The following ACOT1 variants were observed in gnomAD, a reference collection of about 807,000 sequenced individuals.
The protein encoded by ACOT1 is acyl-coenzyme A thioesterase 1.
ACOT1 carries 8 observed loss-of-function variants against 15.7 expected under a neutral mutation model. The observed-to-expected ratio is 0.51, with a 90% CI of 0.30 to 0.92. ACOT1 has a LOEUF of 0.92. Among genes scored for constraint, ACOT1 ranks in the 40% least tolerant of loss-of-function variants. The pLI is 0.06. For synonymous variants in ACOT1, 67 were observed against 241.2 expected, an observed-to-expected ratio of 0.28 and a Z score of 6.69; for missense variants, 151 against 539.4, an observed-to-expected ratio of 0.28 and a Z score of 7.13.
rs1888894503 is a variant in ACOT1 at position 73,537,335 on chromosome 14, C to T, written c.-87C>T. 1 of 1,129,870 alleles carries T rather than the reference C, an allele frequency of 8.9e-7. No homozygotes were observed. The highest frequency in any genetic ancestry group is 1.5e-5 in the South Asian group (1 of 66,106). 70.0% of individuals were successfully genotyped at this position (1,129,870 alleles called of 1,614,324 possible). A position where few individuals can be genotyped will look rare whatever the true frequency, so the allele number is the denominator to read the frequency against. ...GCCCTAGTGGGCGTTTAGCCTGCGA[C>T]GGCAGCCCGAGAGGAAGAGTTGGGC... On this transcript the variant is annotated 5_prime_UTR_variant, in exon 1 of 3. It adds an upstream start codon to the 5' untranslated region. Transcript: ENST00000311148.
chr14:73,508,435 CTTATT>C, the ACOT1 span: 4 of 698,952 alleles, frequency 5.7e-6, no homozygotes, highest in African/African-American at 1.8e-5. Context: ...AATACAATTT[CTTATT>C]TAAACCATAT....
At chr14:73,523,158 G>C in the ACOT1 span, 17 of 1,569,680 alleles carry the variant, frequency 1.1e-5, no homozygotes, top group Admixed American at 1.1e-4. Context: ...GTCATACCGC[G>C]TCCCAGCAAA....
the ACOT1 span, chr14:73,491,108 G>A: frequency 6.2e-7 from 1 of 1,606,690 alleles, no homozygotes. Context: ...GTCGGTCCTG[G>A]CCCTGCCCTT....
At position 73,537,777 on chromosome 14, in the gene ACOT1, T is replaced by C; in HGVS notation, c.356T>C (p.Leu119Pro). 8.1e-7 allele frequency: 1 copy of C among 1,233,028 alleles called. No homozygotes were observed. The highest frequency in any genetic ancestry group is 1.1e-6 in the Non-Finnish European group (1 of 933,626). 76.4% of individuals were successfully genotyped at this position (1,233,028 alleles called of 1,614,324 possible). The change falls in exon 1 of 3, where the codon CTG becomes CCG. Residue 119 changes from leucine to proline, a missense_variant. Physicochemically the swap from Leu to Pro is moderately conservative, Grantham distance 98. Coordinates refer to ENST00000311148, the MANE Select transcript of ACOT1 (RefSeq NM_001037161.2). ...LDGHDPDPGR[L>P]LCRVRHERYF... ...GGCCACGACCCCGACCCCGGGCGGC[T>C]GCTGTGCCGGGTGCGGCACGAGCGC...
chr14:73,491,389 C>T, the ACOT1 span: 10 of 1,349,584 alleles, frequency 7.4e-6, no homozygotes, highest in South Asian at 2.0e-4. Flanking sequence ...GCCTGGTGCC[C>T]GCTTCCGCGC....
the ACOT1 span, among the ~76,000 whole-genome samples, chr14:73,496,143 A>G: frequency 1.3e-5 from 2 of 152,148 alleles, no homozygotes; most frequent in African/African-American, 4.8e-5. Context: ...CAAAAAAAAA[A>G]GCAAAAATTA....
At chr14:73,491,074 G>A in the ACOT1 span, 2 of 1,597,008 alleles carry the variant, frequency 1.3e-6, no homozygotes, top group East Asian at 2.3e-5. Flanking sequence ...CGAAGCGCCG[G>A]CGCAAGCCCC....
chr14:73,526,530 C>T, the ACOT1 span, among the ~76,000 whole-genome samples: 1 of 151,842 alleles, frequency 6.6e-6, no homozygotes, highest in Non-Finnish European at 1.5e-5. Flanking sequence ...GAGACTCCTA[C>T]TTGGGGAAAG....
the ACOT1 span, chr14:73,522,496 C>T: frequency 1.9e-5 from 30 of 1,614,100 alleles, 1 homozygote; most frequent in South Asian, 3.2e-4. Context: ...GACGCTTGCT[C>T]TGGATCCATC....
chr14:73,495,807 T>G, the ACOT1 span, among the ~76,000 whole-genome samples: 1 of 152,058 alleles, frequency 6.6e-6, no homozygotes, highest in Non-Finnish European at 1.5e-5. Flanking sequence ...CTCTATTCCT[T>G]CATCTTATCT....
chr14:73,531,600 G>T, the ACOT1 span, among the ~76,000 whole-genome samples: 1 of 108,370 alleles, frequency 9.2e-6, no homozygotes, highest in African/African-American at 3.0e-5. Flanking sequence ...GTAGAGATGG[G>T]GTTTCACCAT....
At chr14:73,537,960 G>A in intron 1 of ACOT1, 82 bp downstream of exon 1, 4 of 1,016,550 alleles carry the variant, frequency 3.9e-6, no homozygotes, top group Non-Finnish European at 5.0e-6. Flanking sequence ...TGTCCCCTTC[G>A]CCCCGCCCCG....
the ACOT1 span, chr14:73,522,668 C>A: frequency 6.2e-7 from 1 of 1,614,170 alleles, no homozygotes; most frequent in East Asian, 2.2e-5. Context: ...GATGAGAGGG[C>A]GGGGTGCTTC....
At chr14:73,497,415 CATTA>C in the ACOT1 span, among the ~76,000 whole-genome samples, 1 of 152,164 alleles carries the variant, frequency 6.6e-6, no homozygotes, top group Non-Finnish European at 1.5e-5. Context: ...CATGTCATCT[CATTA>C]ATTATCACCA....
chr14:73,513,898 A>G, the ACOT1 span: 2 of 823,122 alleles, frequency 2.4e-6, no homozygotes, highest in Admixed American at 4.4e-5. Flanking sequence ...GCTCTTGTCT[A>G]GCCTTAATGA....
At chr14:73,492,924 T>C in the ACOT1 span, 578 of 1,613,268 alleles carry the variant, frequency 3.6e-4, no homozygotes, top group Non-Finnish European at 4.7e-4. This position sits in a 1 kb window ranked among gnomAD's most constrained non-coding sequence, Gnocchi z 4.9. Flanking sequence ...CTCACTAAGA[T>C]GCCTCTAGCC....
the ACOT1 span, among the ~76,000 whole-genome samples, chr14:73,494,025 G>T: frequency 7.2e-5 from 11 of 152,226 alleles, no homozygotes; most frequent in Non-Finnish European, 1.6e-4. Flanking sequence ...GGCTGGCACT[G>T]CTGTCATAAG....
the ACOT1 span, among the ~76,000 whole-genome samples, chr14:73,531,936 G>A: frequency 8.7e-6 from 1 of 114,712 alleles, no homozygotes; most frequent in African/African-American, 2.8e-5. Flanking sequence ...GGAGGCTGAG[G>A]CAGGAGAATC....
the ACOT1 span, among the ~76,000 whole-genome samples, chr14:73,523,424 A>G: frequency 6.6e-6 from 1 of 152,228 alleles, no homozygotes; most frequent in Admixed American, 6.5e-5. Flanking sequence ...TGGTTCTTAT[A>G]CTTGTTCCCA....
Sources: gnomAD v4.1 joint callset for allele counts (sites outside exome capture counted in the v4.1 genomes callset) on GRCh38, gnomAD v4.1.1 for gene constraint, Gnocchi (gnomAD v3.1) non-coding constraint, MANE v1.5 for transcripts, NCBI Gene and HGNC (gene_info 2026-07-23, HGNC 2026-07-21) for gene names.